The following IL16 variants were observed in gnomAD, a reference collection of about 807,000 sequenced individuals.
IL16 encodes the protein interleukin 16.
A neutral mutation model predicts 110.1 loss-of-function variants in IL16; 67 were observed. The observed-to-expected ratio is 0.61, with a 90% CI of 0.50 to 0.75. The LOEUF (loss-of-function observed/expected upper bound fraction) is 0.75. IL16 is among the 30% of genes least tolerant of loss of function. IL16 has a pLI of 0.00. For synonymous variants in IL16, 689 were observed against 662.9 expected (o/e 1.04, Z -0.61); for missense variants, 1,545 against 1,655.0 (o/e 0.93, Z 1.15).
At chr15:81,286,628 T>G (rs1158777036) in intron 10 of IL16, among the ~76,000 whole-genome samples, 1 of 152,188 alleles carries the variant, frequency 6.6e-6, no homozygotes, top group Non-Finnish European at 1.5e-5. Context: ...CATATTTTAA[T>G]TTTTAAACCT....
chr15:81,201,155 CTG>C (rs142114710), intron 1 of IL16, among the ~76,000 whole-genome samples: 15 of 150,294 alleles, frequency 1.0e-4, no homozygotes, highest in East Asian at 1.9e-4. Flanking sequence ...GTGTGTGTCT[CTG>C]TGTGTGTGTG....
At chr15:81,251,651 T>C (rs769167020) in intron 2 of IL16, among the ~76,000 whole-genome samples, 6 of 152,228 alleles carry the variant, frequency 3.9e-5, no homozygotes, top group Non-Finnish European at 1.5e-5. Context: ...GAGGAATATT[T>C]GGAAAATAGC....
intron 6 of IL16, among the ~76,000 whole-genome samples, chr15:81,276,437 A>G (rs1490823469): frequency 1.3e-5 from 2 of 152,170 alleles, no homozygotes; most frequent in Non-Finnish European, 2.9e-5. Flanking sequence ...GCTGGAACTC[A>G]GATTTGAATG....
intron 15 of IL16, chr15:81,302,022 T>C (rs1341255254): frequency 1.3e-5 from 2 of 153,548 alleles, no homozygotes; most frequent in Non-Finnish European, 2.9e-5. Context: ...TTCCCATATG[T>C]TTTCTGAGCA....
intron 2 of IL16, among the ~76,000 whole-genome samples, chr15:81,238,544 C>T (rs1009828787): frequency 1.3e-5 from 2 of 152,084 alleles, no homozygotes; most frequent in Non-Finnish European, 1.5e-5. Flanking sequence ...ATTTAGATCA[C>T]TTTACTTTTC....
chr15:81,225,218 GGC>G, intron 1 of IL16, 79 bp from the exon 2 acceptor site: 1 of 1,177,084 alleles, frequency 8.5e-7, no homozygotes, highest in Non-Finnish European at 1.2e-6. Context: ...AAGAACCCGT[GGC>G]TCAGATCCAG....
chr15:81,214,001 C>T (rs1896338622), intron 1 of IL16, among the ~76,000 whole-genome samples: 1 of 148,800 alleles, frequency 6.7e-6, no homozygotes, highest in Non-Finnish European at 1.5e-5. Flanking sequence ...TGCCTGTGGG[C>T]TATGTGCTTA....
At chr15:81,294,239 G>T (rs1435986412) in intron 12 of IL16, among the ~76,000 whole-genome samples, 1 of 152,234 alleles carries the variant, frequency 6.6e-6, no homozygotes, top group Non-Finnish European at 1.5e-5. Context: ...GCGCTGGCAG[G>T]ATGTGGCTGG....
chr15:81,191,933 T>G (rs1475019200), upstream of IL16, among the ~76,000 whole-genome samples: 1 of 152,196 alleles, frequency 6.6e-6, no homozygotes, highest in African/African-American at 2.4e-5. Context: ...TGGGACACTG[T>G]AAGGAATTTG....
intron 2 of IL16, among the ~76,000 whole-genome samples, chr15:81,243,163 ATTTTTTTTTTTTTTT>A (rs1219851899): frequency 1.3e-4 from 2 of 15,018 alleles, no homozygotes; most frequent in Non-Finnish European, 2.4e-4. Context: ...ATATATATAT[ATTTTTTTTTTTTTTT>A]TTTTTTTTTT....
At chr15:81,281,277 G>C (rs903598553) in intron 8 of IL16, among the ~76,000 whole-genome samples, 1 of 152,190 alleles carries the variant, frequency 6.6e-6, no homozygotes, top group Non-Finnish European at 1.5e-5. Flanking sequence ...AATCATACGT[G>C]TCGAAAGAAA....
intron 1 of IL16, among the ~76,000 whole-genome samples, chr15:81,215,364 G>A (rs1896387151): frequency 6.6e-6 from 1 of 152,150 alleles, no homozygotes; most frequent in East Asian, 1.9e-4. Flanking sequence ...CTTGTGTTTG[G>A]TTTCACAGAT....
At chr15:81,302,812 C>T (rs923868387) in intron 15 of IL16, among the ~76,000 whole-genome samples, 5 of 152,168 alleles carry the variant, frequency 3.3e-5, no homozygotes, top group Admixed American at 6.5e-5. Flanking sequence ...TGTATGCCTA[C>T]GTAGAGCTGA....
At chr15:81,211,428 T>A (rs1413645266) in intron 1 of IL16, among the ~76,000 whole-genome samples, 1 of 152,106 alleles carries the variant, frequency 6.6e-6, no homozygotes, top group African/African-American at 2.4e-5. Context: ...ATTTTGCAGT[T>A]TTTAGTAGAG....
chr15:81,261,926 G>C (rs961593903), intron 3 of IL16, among the ~76,000 whole-genome samples: 1 of 152,024 alleles, frequency 6.6e-6, no homozygotes, highest in Non-Finnish European at 1.5e-5. Context: ...TTTAAAAAAA[G>C]AAAACCCACT....
At chr15:81,208,370 T>G (rs1896113373) in intron 1 of IL16, among the ~76,000 whole-genome samples, 1 of 152,216 alleles carries the variant, frequency 6.6e-6, no homozygotes, top group South Asian at 2.1e-4. Flanking sequence ...CAGAAGCTCG[T>G]TAGCTTAATT....
intron 2 of IL16, among the ~76,000 whole-genome samples, chr15:81,230,928 G>A (rs1296288772): frequency 6.6e-6 from 1 of 152,114 alleles, no homozygotes; most frequent in Non-Finnish European, 1.5e-5. Flanking sequence ...TGCAGGTGAA[G>A]ACGGAGGTGA....
At position 81,312,686 on chromosome 15, in the gene IL16, C is replaced by G. The variant is rs1321160295; in HGVS notation, c.*3888C>G. 1 of 152,224 alleles carries G rather than the reference C, an allele frequency of 6.6e-6. No individual in the cohort carries two copies. Among genetic ancestry groups the G allele is most frequent in the African/African-American group, 2.4e-5 (1 of 41,458 alleles). The allele number at this position is 152,224 out of a possible 1,614,324, so 9.4% of individuals were successfully genotyped here. On this transcript the variant is annotated 3_prime_UTR_variant, in exon 19 of 19. Coordinates refer to ENST00000683961, the MANE Select transcript of IL16 (RefSeq NM_172217.5). ...GAAAGTGTTTTTCCTTAATGCTTAT[C>G]CTGTTTTTAAACCATTATTTCCAAG...
chr15:81,276,582 A>G (rs1484104127), intron 6 of IL16, among the ~76,000 whole-genome samples: 1 of 152,224 alleles, frequency 6.6e-6, no homozygotes, highest in African/African-American at 2.4e-5. Context: ...ACTTAACTTT[A>G]CCCATGGCTC....
Sources: allele counts gnomAD v4.1 joint callset (sites outside exome capture counted in the v4.1 genomes callset), GRCh38; gene constraint gnomAD v4.1.1; transcripts MANE v1.5; gene names NCBI Gene and HGNC (gene_info 2026-07-23, HGNC 2026-07-21).